The following MAP3K13 variants were observed in gnomAD, a reference collection of about 807,000 sequenced individuals.
MAP3K13 encodes the protein leucine zipper-bearing kinase.
Under a neutral mutation model 104.0 loss-of-function variants are expected in MAP3K13, and 52 were observed. The ratio of observed to expected loss-of-function variants is 0.50; its 90% CI spans 0.40 to 0.63. The LOEUF is 0.63. Ranked by LOEUF, MAP3K13 falls within the 20% of genes least tolerant of loss-of-function variation. The pLI, the probability that MAP3K13 is intolerant of heterozygous loss-of-function variation, is 0.00. For missense variants in MAP3K13, 914 were observed against 1,218.5 expected (o/e 0.75, Z 3.72); for synonymous variants, 394 against 442.2 (o/e 0.89, Z 1.37).
At chr3:185,348,073 C>T (rs1483939103) in intron 2 of MAP3K13, among the ~76,000 whole-genome samples, 3 of 151,428 alleles carry the variant, frequency 2.0e-5, no homozygotes, top group South Asian at 2.1e-4. Flanking sequence ...ATGAAATTGG[C>T]GACTATTTTA....
At chr3:185,406,180 T>C (rs1213646702) in intron 1 of MAP3K13, among the ~76,000 whole-genome samples, 1 of 152,118 alleles carries the variant, frequency 6.6e-6, no homozygotes, top group South Asian at 2.1e-4. Flanking sequence ...CTAAAACAGT[T>C]TGAAGTCAGA....
At chr3:185,377,789 G>A (rs1402848947) in intron 1 of MAP3K13, among the ~76,000 whole-genome samples, 2 of 152,244 alleles carry the variant, frequency 1.3e-5, no homozygotes, top group African/African-American at 4.8e-5. Context: ...CGAGGCGATC[G>A]GGCAGTGTCA....
chr3:185,399,610 G>C (rs1484010116), intron 1 of MAP3K13, among the ~76,000 whole-genome samples: 1 of 57,674 alleles, frequency 1.7e-5, no homozygotes, highest in African/African-American at 6.9e-5. Flanking sequence ...CCGTCAGAAA[G>C]AAAGAGAGAG....
At chr3:185,439,692 G>A (rs1715223690) in intron 3 of MAP3K13, among the ~76,000 whole-genome samples, 2 of 152,118 alleles carry the variant, frequency 1.3e-5, no homozygotes, top group Non-Finnish European at 2.9e-5. Context: ...TGTCCTAATA[G>A]GATGGTGTTG....
At chr3:185,370,030 G>A (rs1375778107) in intron 1 of MAP3K13, among the ~76,000 whole-genome samples, 1 of 152,154 alleles carries the variant, frequency 6.6e-6, no homozygotes, top group Non-Finnish European at 1.5e-5. Context: ...TTTAACATGA[G>A]AGATGAAAAA....
chr3:185,414,288 T>C (rs1713616105), intron 1 of MAP3K13, among the ~76,000 whole-genome samples: 1 of 152,216 alleles, frequency 6.6e-6, no homozygotes, highest in African/African-American at 2.4e-5. Context: ...CGTTATCACA[T>C]TGCTATGTGT....
chr3:185,472,823 C>A (rs1227558060), intron 10 of MAP3K13, 152 bp from the exon 11 acceptor site: 2 of 738,656 alleles, frequency 2.7e-6, no homozygotes, highest in Non-Finnish European at 4.4e-6. Flanking sequence ...CTTCCATGAA[C>A]ATTTTGAAGA....
At chr3:185,446,257 C>CCT (rs1560110491) in intron 4 of MAP3K13, among the ~76,000 whole-genome samples, 3 of 147,468 alleles carry the variant, frequency 2.0e-5, no homozygotes, top group Admixed American at 6.7e-5. Flanking sequence ...AGCCTCTTAT[C>CCT]ATTTTTTTTT....
chr3:185,465,969 T>C lies in MAP3K13; in HGVS notation c.1505+106T>C, dbSNP rs746378647. Reference sequence around the variant, plus strand: ...CTACTCAGAACTGGCAGATATTTTATTCATTCACCCAACATTCCTTCCGGG... The same window carrying C: ...CTACTCAGAACTGGCAGATATTTTACTCATTCACCCAACATTCCTTCCGGG... On this transcript the variant is annotated intron_variant, in intron 9 of 13. Transcript: ENST00000265026. The C allele has an allele frequency of 1.1e-4, 96 of 843,382 alleles. No homozygotes were observed. The Middle Eastern group carries it at 1.4e-3, about 12-fold the overall frequency. The allele number at this position is 843,382 out of a possible 1,614,324, so 52.2% of individuals were successfully genotyped here.
chr3:185,378,879 C>A (rs527935066), intron 1 of MAP3K13, among the ~76,000 whole-genome samples: 11 of 152,238 alleles, frequency 7.2e-5, no homozygotes, highest in Admixed American at 5.2e-4. Flanking sequence ...CATTTAGAAC[C>A]ATTGTCGTGT....
Position 185,487,631 on chromosome 3 carries a change from G to A in MAP3K13, c.*5175G>A, listed in dbSNP as rs986218770. On this transcript the variant is annotated 3_prime_UTR_variant, in exon 14 of 14. Coordinates refer to ENST00000265026, the MANE Select transcript of MAP3K13 (RefSeq NM_004721.5). ...AGTCCCACTTGAACTTCCTGGAACT[G>A]AATTCTCCAGAACATAATATTTATA... 2.0e-5 allele frequency: 3 copies of A among 151,584 alleles called. No homozygotes were observed. The highest frequency in any genetic ancestry group is 7.3e-5 in the African/African-American group (3 of 41,206). 9.4% of individuals were successfully genotyped at this position (151,584 alleles called of 1,614,324 possible). A position where few individuals can be genotyped will look rare whatever the true frequency, so the allele number is the denominator to read the frequency against.
intron 1 of MAP3K13, among the ~76,000 whole-genome samples, chr3:185,374,759 CT>C (rs59755117): frequency 2.7e-4 from 41 of 150,496 alleles, no homozygotes; most frequent in African/African-American, 7.6e-4. Flanking sequence ...TAGAGTCCCC[CT>C]TTTTTTTTAG....
chr3:185,395,357 C>CTTTCTTTTT (rs1553798321), intron 1 of MAP3K13, among the ~76,000 whole-genome samples: 1,893 of 70,070 alleles, frequency 0.027, 491 homozygotes, highest in African/African-American at 0.12. Context: ...AATATTATTT[C>CTTTCTTTTT]TTTTTTTTTT....
chr3:185,339,693 A>G (rs1470413125), intron 2 of MAP3K13, among the ~76,000 whole-genome samples: 2 of 152,250 alleles, frequency 1.3e-5, no homozygotes, highest in Admixed American at 1.3e-4. Context: ...AGCTATAGAC[A>G]ATAAATAAAT....
Position 185,391,463 on chromosome 3 carries a change from G to A in MAP3K13, c.-86+28095G>A, listed in dbSNP as rs116088890. Among the ~76,000 whole-genome samples the A allele has an allele frequency of 9.3e-3, 1,408 of 152,108 alleles. 29 individuals are homozygous for A. The highest frequency in any genetic ancestry group is 0.032 in the African/African-American group (1,310 of 41,540). On this transcript the variant is annotated intron_variant, in intron 1 of 13. Transcript: ENST00000265026. ...GGATTTTGTCTGTTAAGGATAAACC[G>A]TAAACACAGGACCTAAATAAATATC...
intron 11 of MAP3K13, among the ~76,000 whole-genome samples, chr3:185,475,743 C>T (rs1340042651): frequency 1.3e-5 from 2 of 152,000 alleles, no homozygotes; most frequent in Admixed American, 1.3e-4. Context: ...CCCAGGTACT[C>T]GGGAGGCTGA....
At chr3:185,316,494 A>G (rs1721679258) in intron 2 of MAP3K13, among the ~76,000 whole-genome samples, 1 of 152,132 alleles carries the variant, frequency 6.6e-6, no homozygotes, top group Non-Finnish European at 1.5e-5. Flanking sequence ...TACAAAAATT[A>G]GCTGGGTGTG....
chr3:185,482,398 G>C lies in MAP3K13; in HGVS notation c.2843G>C (p.Gly948Ala), dbSNP rs373915500. ...FEESDCDSSD[G>A]ECSDATVRTN... Reference sequence around the variant, plus strand: ...GAATCGGACTGTGACTCTTCAGATGGGGAGTGTTCTGATGCCACAGTTAGG... The same window carrying C: ...GAATCGGACTGTGACTCTTCAGATGCGGAGTGTTCTGATGCCACAGTTAGG... Residue 948 changes from glycine (G) to alanine (A), a missense_variant, in exon 14 of 14, where the codon GGG (glycine) becomes GCG (alanine). Gly to Ala is a moderately conservative substitution (Grantham distance 60). Coordinates refer to ENST00000265026, the MANE Select transcript of MAP3K13 (RefSeq NM_004721.5). This position sits in a 1 kb window ranked among gnomAD's most constrained non-coding sequence, Gnocchi z 4.5. The C allele has an allele frequency of 6.2e-7, 1 of 1,614,088 alleles. No homozygotes were observed. Among genetic ancestry groups the C allele is most frequent in the Non-Finnish European group, 8.5e-7 (1 of 1,179,978 alleles).
intron 2 of MAP3K13, among the ~76,000 whole-genome samples, chr3:185,345,700 A>C (rs1307914159): frequency 6.6e-6 from 1 of 152,202 alleles, no homozygotes; most frequent in Non-Finnish European, 1.5e-5. Context: ...AGTTGCAGGA[A>C]AAAAAGCACA....
Sources: allele counts gnomAD v4.1 joint callset (sites outside exome capture counted in the v4.1 genomes callset), GRCh38; gene constraint gnomAD v4.1.1; non-coding constraint Gnocchi (gnomAD v3.1); transcripts MANE v1.5; gene names NCBI Gene and HGNC (gene_info 2026-07-23, HGNC 2026-07-21).